The following RELN variants were observed in gnomAD, a reference collection of about 807,000 sequenced individuals.
RELN encodes reelin.
A neutral mutation model predicts 427.6 loss-of-function variants in RELN; 108 were observed. The observed-to-expected ratio is 0.25, with a 90% CI of 0.22 to 0.30. The LOEUF is 0.30. Among genes scored for constraint, RELN ranks in the 10% least tolerant of loss-of-function variants. RELN has a pLI of 1.00. For synonymous variants in RELN, 1,524 were observed against 1,513.4 expected (o/e 1.01, Z -0.16); for missense variants, 3,715 against 4,302.8 (o/e 0.86, Z 3.82).
intron 27 of RELN, among the ~76,000 whole-genome samples, chr7:103,590,148 C>T (rs554752821): frequency 6.6e-6 from 1 of 152,170 alleles, no homozygotes; most frequent in African/African-American, 2.4e-5. Flanking sequence ...TTTTTTCTCC[C>T]TCCTCAGAGG....
At chr7:103,491,898 C>CACACACACAAA in intron 58 of RELN, 55 bp downstream of exon 58, 1 of 738,278 alleles carries the variant, frequency 1.4e-6, no homozygotes, top group South Asian at 1.6e-5. Context: ...ACACACACAA[C>CACACACACAAA]GATTTGGATG....
chr7:103,761,724 G>A (rs1335193586), intron 4 of RELN, among the ~76,000 whole-genome samples: 1 of 152,074 alleles, frequency 6.6e-6, no homozygotes, highest in African/African-American at 2.4e-5. Context: ...CCAAAGTGCT[G>A]GGATTACAGG....
chr7:103,551,642 CCTAA>C (rs1478919202), intron 40 of RELN, among the ~76,000 whole-genome samples: 1 of 152,176 alleles, frequency 6.6e-6, no homozygotes, highest in African/African-American at 2.4e-5. Context: ...TTTCCCTAAT[CCTAA>C]CTGTTAGCTT....
At chr7:103,877,328 T>C (rs1262263998) in intron 2 of RELN, among the ~76,000 whole-genome samples, 2 of 152,174 alleles carry the variant, frequency 1.3e-5, no homozygotes, top group Non-Finnish European at 2.9e-5. Context: ...CCAACATGTC[T>C]GCCTCAATTT....
intron 2 of RELN, among the ~76,000 whole-genome samples, chr7:103,877,976 C>G (rs1375576322): frequency 6.6e-6 from 1 of 151,986 alleles, no homozygotes; most frequent in Non-Finnish European, 1.5e-5. Context: ...CTGCCTCAGC[C>G]TCCCAAATGG....
chr7:103,544,220 CTTTTTTTTTTTTTTTTTT>C (rs71154356), intron 42 of RELN, among the ~76,000 whole-genome samples: 1,194 of 71,222 alleles, frequency 0.017, 20 homozygotes, highest in African/African-American at 0.059. Flanking sequence ...GAAAGAAAAT[CTTTTTTTTTTTTTTTTTT>C]TTTTTTTTTT....
At chr7:103,621,360 G>C (rs1832214440) in intron 20 of RELN, among the ~76,000 whole-genome samples, 1 of 152,114 alleles carries the variant, frequency 6.6e-6, no homozygotes, top group Admixed American at 6.5e-5. Context: ...GTATTTTGTA[G>C]ACATTTAATT....
intron 2 of RELN, among the ~76,000 whole-genome samples, chr7:103,845,136 T>C (rs2116445364): frequency 7.7e-6 from 1 of 130,092 alleles, no homozygotes; most frequent in Non-Finnish European, 1.7e-5. Context: ...AACCGTTTTA[T>C]CAAAAAAAAA....
chr7:103,541,727 T>A (rs1182393712), intron 43 of RELN, among the ~76,000 whole-genome samples: 2 of 152,222 alleles, frequency 1.3e-5, no homozygotes. Flanking sequence ...ATGAGACAAT[T>A]ACTTATTTGG....
chr7:103,586,167 A>G (rs3095356), intron 28 of RELN, among the ~76,000 whole-genome samples: 112,996 of 151,784 alleles, frequency 0.74, 42,411 homozygotes, highest in African/African-American at 0.83. Flanking sequence ...TTCAAGACCA[A>G]CCTGAACAAC....
chr7:103,954,542 A>G (rs565452297), intron 1 of RELN, among the ~76,000 whole-genome samples: 2 of 152,318 alleles, frequency 1.3e-5, no homozygotes, highest in African/African-American at 4.8e-5. Context: ...ATTCACTGAC[A>G]ATCATTTCCC....
chr7:103,743,863 A>G (rs1161348254), intron 6 of RELN, among the ~76,000 whole-genome samples: 1 of 152,170 alleles, frequency 6.6e-6, no homozygotes, highest in Non-Finnish European at 1.5e-5. Context: ...ACAAGACAGA[A>G]AGTTAACAAG....
intron 2 of RELN, among the ~76,000 whole-genome samples, chr7:103,856,422 A>T (rs1793945426): frequency 6.6e-6 from 1 of 151,854 alleles, no homozygotes; most frequent in South Asian, 2.1e-4. Context: ...ACAAAAAATT[A>T]GCCATCTGTG....
intron 1 of RELN, among the ~76,000 whole-genome samples, chr7:103,958,695 C>A (rs1440770332): frequency 6.6e-6 from 1 of 152,156 alleles, no homozygotes; most frequent in East Asian, 1.9e-4. Flanking sequence ...AAGTGACTCA[C>A]TCTGCAATGG....
chr7:103,499,725 G>A (rs774546876), intron 53 of RELN, among the ~76,000 whole-genome samples: 1 of 152,156 alleles, frequency 6.6e-6, no homozygotes, highest in South Asian at 2.1e-4. Flanking sequence ...AGTGTTAGAA[G>A]AAATGCATGG....
intron 4 of RELN, among the ~76,000 whole-genome samples, chr7:103,767,676 AT>A (rs1379736031): frequency 1.3e-5 from 2 of 152,172 alleles, no homozygotes; most frequent in Non-Finnish European, 2.9e-5. Context: ...GTCTATTCTG[AT>A]ATTTTGTCTA....
intron 38 of RELN, among the ~76,000 whole-genome samples, chr7:103,556,021 T>C (rs116723261): frequency 0.022 from 3,425 of 152,330 alleles, 131 homozygotes; most frequent in African/African-American, 0.077. Flanking sequence ...TCTGGTCCTT[T>C]ATAATCAGCA....
At chr7:103,601,510 C>T (rs1421231545) in intron 24 of RELN, among the ~76,000 whole-genome samples, 1 of 152,002 alleles carries the variant, frequency 6.6e-6, no homozygotes, top group African/African-American at 2.4e-5. Flanking sequence ...AGCCCTGTAG[C>T]ATATCACTCA....
intron 1 of RELN, among the ~76,000 whole-genome samples, chr7:103,941,129 T>C (rs1023316178): frequency 1.3e-5 from 2 of 152,098 alleles, no homozygotes; most frequent in African/African-American, 4.8e-5. Flanking sequence ...GACACGAGAC[T>C]GGTACAATTT....
Sources: allele counts gnomAD v4.1 joint callset (sites outside exome capture counted in the v4.1 genomes callset), GRCh38; gene constraint gnomAD v4.1.1; transcripts MANE v1.5; gene names NCBI Gene and HGNC (gene_info 2026-07-23, HGNC 2026-07-21).